Variants in ANTXR1 observed in about 807,000 individuals in gnomAD.
ANTXR1 encodes ANTXR cell adhesion molecule 1, also known as anthrax toxin receptor 1.
In ANTXR1, 19 loss-of-function variants were observed where a neutral mutation model predicts 78.1. The ratio of observed to expected loss-of-function variants is 0.24; its 90% CI spans 0.17 to 0.36. The LOEUF (loss-of-function observed/expected upper bound fraction) is 0.36. Among genes scored for constraint, ANTXR1 ranks in the 10% least tolerant of loss-of-function variants. ANTXR1 has a pLI of 1.00. For missense variants in ANTXR1, 518 were observed against 718.6 expected (o/e 0.72, Z 3.19); for synonymous variants, 273 against 260.5 (o/e 1.05, Z -0.46).
At chr2:69,186,904 C>T (rs559648041) in intron 16 of ANTXR1, among the ~76,000 whole-genome samples, 8 of 152,248 alleles carry the variant, frequency 5.3e-5, no homozygotes, top group East Asian at 1.9e-4. Flanking sequence ...GGATGGGGGC[C>T]GGCAGGTCAG....
intron 13 of ANTXR1, among the ~76,000 whole-genome samples, chr2:69,156,371 C>T (rs1673525063): frequency 6.6e-6 from 1 of 152,168 alleles, no homozygotes; most frequent in South Asian, 2.1e-4. Context: ...TCGTTTCTTC[C>T]TTTCTCACCC....
intron 1 of ANTXR1, among the ~76,000 whole-genome samples, chr2:69,018,173 C>T (rs1035946698): frequency 6.6e-5 from 10 of 152,120 alleles, no homozygotes; most frequent in Non-Finnish European, 1.2e-4. Context: ...TCATTTTCTG[C>T]ACCTAATAAA....
chr2:69,193,939 A>G (rs549666749), intron 17 of ANTXR1, among the ~76,000 whole-genome samples: 154 of 152,244 alleles, frequency 1.0e-3, no homozygotes, highest in African/African-American at 3.6e-3. Flanking sequence ...GGGATCTTTC[A>G]CCCCAGGTGA....
intron 1 of ANTXR1, among the ~76,000 whole-genome samples, chr2:69,029,435 T>G (rs1459436317): frequency 6.6e-6 from 1 of 151,176 alleles, no homozygotes; most frequent in Non-Finnish European, 1.5e-5. Flanking sequence ...AAGATTGGAG[T>G]CTTTAGATTT....
chr2:69,085,193 A>G (rs1671013594), intron 8 of ANTXR1, among the ~76,000 whole-genome samples: 2 of 152,126 alleles, frequency 1.3e-5, no homozygotes, highest in African/African-American at 4.8e-5. Flanking sequence ...GCTTTCTGCC[A>G]TCAGCTGTAA....
chr2:69,085,205 A>G (rs1671013824), intron 8 of ANTXR1, among the ~76,000 whole-genome samples: 1 of 152,118 alleles, frequency 6.6e-6, no homozygotes, highest in Non-Finnish European at 1.5e-5. Context: ...CAGCTGTAAT[A>G]ATGTTTGTGG....
intron 17 of ANTXR1, among the ~76,000 whole-genome samples, chr2:69,207,788 A>C (rs1455179486): frequency 6.6e-6 from 1 of 152,164 alleles, no homozygotes; most frequent in Non-Finnish European, 1.5e-5. Flanking sequence ...CTCTTGTCCC[A>C]CATCCAAGAA....
chr2:69,214,085 G>A (rs952211630), intron 17 of ANTXR1, among the ~76,000 whole-genome samples: 2 of 152,280 alleles, frequency 1.3e-5, no homozygotes, highest in African/African-American at 2.4e-5. Flanking sequence ...AGCCAGCCCT[G>A]TAGGAGAAAA....
intron 9 of ANTXR1, among the ~76,000 whole-genome samples, chr2:69,097,627 T>G (rs1671474232): frequency 6.6e-6 from 1 of 152,258 alleles, no homozygotes; most frequent in Non-Finnish European, 1.5e-5. Flanking sequence ...GAGGAAGGAC[T>G]CTCATTTACA....
chr2:69,149,322 C>T lies in ANTXR1; in HGVS notation c.952-2847C>T, dbSNP rs13392043. Among the ~76,000 whole-genome samples the T allele has an allele frequency of 5.8e-3, 887 of 152,284 alleles. 8 individuals are homozygous for T. The highest frequency in any genetic ancestry group is 0.02 in the African/African-American group (822 of 41,558). On this transcript the variant is annotated intron_variant, in intron 12 of 17. Transcript: ENST00000303714. ...TCCTCATTAGGGGCACCAAGCTTGG[C>T]TGGAGAAAAGCCAGCTATCACTTTA...
chr2:69,210,327 C>A (rs1164782558), intron 17 of ANTXR1, among the ~76,000 whole-genome samples: 1 of 152,196 alleles, frequency 6.6e-6, no homozygotes, highest in African/African-American at 2.4e-5. Context: ...AATTCATTGT[C>A]CTGCCTAGCT....
At chr2:69,122,387 C>A (rs78385502) in intron 10 of ANTXR1, among the ~76,000 whole-genome samples, 12,814 of 152,238 alleles carry the variant, frequency 0.084, 585 homozygotes, top group Admixed American at 0.1. Context: ...CTTATCTCTC[C>A]AACTACCCTT....
intron 12 of ANTXR1, among the ~76,000 whole-genome samples, chr2:69,150,361 G>C (rs1159907963): frequency 6.6e-6 from 1 of 152,176 alleles, no homozygotes; most frequent in Non-Finnish European, 1.5e-5. Context: ...GTCATTTCAG[G>C]AGGGTCACAG....
At chr2:69,014,247 G>A (rs1670956036) in intron 1 of ANTXR1, among the ~76,000 whole-genome samples, 1 of 152,040 alleles carries the variant, frequency 6.6e-6, no homozygotes, top group Admixed American at 6.6e-5. Context: ...TTTGTGGTGG[G>A]GGCTGTCCTG....
At chr2:69,197,428 T>C (rs928541198) in intron 17 of ANTXR1, among the ~76,000 whole-genome samples, 1 of 152,158 alleles carries the variant, frequency 6.6e-6, no homozygotes, top group Non-Finnish European at 1.5e-5. Context: ...CCCAGATTCC[T>C]TCATCACCTC....
chr2:69,034,134 A>AT (rs754942391), intron 1 of ANTXR1, among the ~76,000 whole-genome samples: 4 of 152,230 alleles, frequency 2.6e-5, no homozygotes, highest in Non-Finnish European at 5.9e-5. Flanking sequence ...TGTCACAAAA[A>AT]TTTCTTGACT....
chr2:69,172,962 G>A (rs1026719413), intron 14 of ANTXR1, among the ~76,000 whole-genome samples: 6 of 152,236 alleles, frequency 3.9e-5, no homozygotes, highest in Non-Finnish European at 4.4e-5. Flanking sequence ...CTGGCAGTTC[G>A]TGGGAGAATG....
rs566325166 is a variant in ANTXR1 at position 69,230,488 on chromosome 2, T to C, written c.1435-14737T>C. 2.0e-5 allele frequency among the ~76,000 whole-genome samples: 3 copies of C among 152,286 alleles called. No individual in the cohort carries two copies. The East Asian group carries it at 5.8e-4, about 29-fold the overall frequency. Reference sequence around the variant, plus strand: ...ATAGCCTTAGGACAGAGTTTGTTCATCCCTATTTTGATGGCACGGCTACTT... The same window carrying C: ...ATAGCCTTAGGACAGAGTTTGTTCACCCCTATTTTGATGGCACGGCTACTT... On this transcript the variant is annotated intron_variant, in intron 17 of 17. Transcript: ENST00000303714.
rs117379020 is a variant in ANTXR1, at chr2:69,163,436, G to A, written c.1048-6812G>A. ...ACACATGCCTCTAATCCCCTCTAAGGCAACTGGTGGCTCCTGTGAGTTCCA... is the reference window on the plus strand; with the variant it reads ...ACACATGCCTCTAATCCCCTCTAAGACAACTGGTGGCTCCTGTGAGTTCCA... On this transcript the variant is annotated intron_variant, in intron 13 of 17. Transcript: ENST00000303714. Among the ~76,000 whole-genome samples, 3 of 152,194 alleles carry A rather than the reference G, an allele frequency of 2.0e-5. No individual in the cohort carries two copies. In the East Asian group the frequency reaches 5.8e-4, roughly 29 times the overall value.
Sources: gnomAD v4.1 joint callset for allele counts (sites outside exome capture counted in the v4.1 genomes callset) on GRCh38, gnomAD v4.1.1 for gene constraint, MANE v1.5 for transcripts, NCBI Gene and HGNC (gene_info 2026-07-23, HGNC 2026-07-21) for gene names.